ASIC2: variants seen among roughly 807,000 people sequenced by gnomAD.
ASIC2 encodes the protein acid sensing ion channel subunit 2.
A neutral mutation model predicts 57.3 loss-of-function variants in ASIC2; 25 were observed. That is an observed-to-expected ratio of 0.44 (90% CI 0.32 to 0.61). The LOEUF is 0.61. Ranked by LOEUF, ASIC2 falls within the 20% of genes least tolerant of loss-of-function variation. The pLI is 0.06. For missense variants in ASIC2, 641 were observed against 738.1 expected, an observed-to-expected ratio of 0.87 and a Z score of 1.52; for synonymous variants, 319 against 307.5, an observed-to-expected ratio of 1.04 and a Z score of -0.39.
At chr17:33,141,563 G>C (rs1350061941) in intron 1 of ASIC2, among the ~76,000 whole-genome samples, 17 of 152,168 alleles carry the variant, frequency 1.1e-4, no homozygotes, top group Non-Finnish European at 2.4e-4. Context: ...TCAGAACTGT[G>C]ACTGTGGGTT....
chr17:34,109,846 G>A (rs1413691507), intron 1 of ASIC2, among the ~76,000 whole-genome samples: 1 of 152,062 alleles, frequency 6.6e-6, no homozygotes, highest in African/African-American at 2.4e-5. Flanking sequence ...CATGAGTCCA[G>A]GTATTGTAAC....
intron 1 of ASIC2, among the ~76,000 whole-genome samples, chr17:33,451,859 G>A (rs895225180): frequency 1.3e-5 from 2 of 152,058 alleles, no homozygotes; most frequent in Non-Finnish European, 2.9e-5. Flanking sequence ...AATTATAACC[G>A]CTAAGTAATT....
chr17:34,031,587 C>T (rs2142037431), intron 1 of ASIC2, among the ~76,000 whole-genome samples: 1 of 152,142 alleles, frequency 6.6e-6, no homozygotes, highest in African/African-American at 2.4e-5. Flanking sequence ...AAATTCGAAC[C>T]AATGGCAAAG....
intron 1 of ASIC2, among the ~76,000 whole-genome samples, chr17:33,172,044 A>G (rs1172677410): frequency 1.3e-5 from 2 of 152,142 alleles, no homozygotes; most frequent in African/African-American, 4.8e-5. Context: ...TTGTCTAATT[A>G]TTTGATTAAT....
intron 3 of ASIC2, among the ~76,000 whole-genome samples, chr17:33,070,803 T>C (rs170324): frequency 0.9 from 137,088 of 152,172 alleles, 61,825 homozygotes; most frequent in East Asian, 0.96. Context: ...AGTAAGGATC[T>C]GCTGGCTCTT....
chr17:33,877,557 G>C (rs1371264532), intron 1 of ASIC2, among the ~76,000 whole-genome samples: 1 of 152,154 alleles, frequency 6.6e-6, no homozygotes, highest in Non-Finnish European at 1.5e-5. Context: ...GGTGAGGCTG[G>C]GGGAGGGGCA....
At chr17:33,437,745 G>A (rs963976239) in intron 1 of ASIC2, among the ~76,000 whole-genome samples, 5 of 151,524 alleles carry the variant, frequency 3.3e-5, no homozygotes, top group Admixed American at 6.6e-5. Flanking sequence ...GCAGTGAGCC[G>A]AGATCACACC....
chr17:33,916,366 G>A (rs80179420), intron 1 of ASIC2, among the ~76,000 whole-genome samples: 3,068 of 152,286 alleles, frequency 0.02, 101 homozygotes, highest in African/African-American at 0.071. Flanking sequence ...CAAGGAGAGA[G>A]AGCTGGGCTG....
chr17:33,457,535 A>G (rs990873698), intron 1 of ASIC2, among the ~76,000 whole-genome samples: 2 of 124,672 alleles, frequency 1.6e-5, no homozygotes, highest in Admixed American at 7.9e-5. Context: ...TTAAGAACAT[A>G]CTAAAGGCCA....
chr17:34,110,743 C>T (rs1275823118), intron 1 of ASIC2, among the ~76,000 whole-genome samples: 1 of 152,194 alleles, frequency 6.6e-6, no homozygotes, highest in Non-Finnish European at 1.5e-5. Flanking sequence ...TTCTTTATAT[C>T]CCATCGGTCC....
intron 1 of ASIC2, among the ~76,000 whole-genome samples, chr17:33,230,367 T>C (rs2142106847): frequency 6.6e-6 from 1 of 152,354 alleles, no homozygotes; most frequent in African/African-American, 2.4e-5. Context: ...CAGTGACAGG[T>C]AATGAGCTAT....
At chr17:33,658,748 T>A (rs1463602705) in intron 1 of ASIC2, among the ~76,000 whole-genome samples, 1 of 152,136 alleles carries the variant, frequency 6.6e-6, no homozygotes. Flanking sequence ...GTAATCCCAG[T>A]GCTTTGGGAG....
chr17:34,134,714 C>T (rs1912081775), intron 1 of ASIC2, among the ~76,000 whole-genome samples: 1 of 152,180 alleles, frequency 6.6e-6, no homozygotes, highest in East Asian at 1.9e-4. Flanking sequence ...TCTATTTGCG[C>T]CAATCCCAAG....
At chr17:33,056,578 T>A (rs2091998925) in intron 3 of ASIC2, among the ~76,000 whole-genome samples, 1 of 152,134 alleles carries the variant, frequency 6.6e-6, no homozygotes, top group African/African-American at 2.4e-5. Flanking sequence ...ACATCCCCAC[T>A]GTAATGTGCT....
Position 33,849,985 on chromosome 17 carries a change from A to G in ASIC2, c.555+305993T>C, listed in dbSNP as rs535904567. 7.4e-4 allele frequency among the ~76,000 whole-genome samples: 113 copies of G among 151,934 alleles called. 1 individual carries two copies. Among genetic ancestry groups the G allele is most frequent in the African/African-American group, 2.4e-3 (100 of 41,578 alleles). The stretch of plus-strand genomic sequence containing the variant: ...CAAAAAGTAACAACAGTAGATATAC[A>G]AAGTATTTTTTGAATTCTGCTATGT... On this transcript the variant is annotated intron_variant, in intron 1 of 9. Coordinates refer to the ASIC2 transcript ENST00000359872.
chr17:34,101,326 C>T (rs1324717365), intron 1 of ASIC2, among the ~76,000 whole-genome samples: 1 of 152,192 alleles, frequency 6.6e-6, no homozygotes, highest in Non-Finnish European at 1.5e-5. Flanking sequence ...AGTACTCAGA[C>T]CTTTAGAGAT....
chr17:33,725,178 G>A (rs1015933613), intron 1 of ASIC2, among the ~76,000 whole-genome samples: 11 of 152,386 alleles, frequency 7.2e-5, no homozygotes, highest in Middle Eastern at 3.4e-3. Context: ...GGGACCCAGC[G>A]GGGCCTGCAG....
chr17:33,316,175 C>G (rs1193134898), intron 1 of ASIC2, among the ~76,000 whole-genome samples: 1 of 152,164 alleles, frequency 6.6e-6, no homozygotes, highest in African/African-American at 2.4e-5. Flanking sequence ...TTCAGCCTTA[C>G]TATGTTTAGT....
chr17:33,198,561 T>C (rs941185151), intron 1 of ASIC2, among the ~76,000 whole-genome samples: 1 of 152,214 alleles, frequency 6.6e-6, no homozygotes, highest in Non-Finnish European at 1.5e-5. Context: ...ACCCTGCACA[T>C]GGTGACTGAT....
Sources: gnomAD v4.1 joint callset for allele counts (sites outside exome capture counted in the v4.1 genomes callset) on GRCh38, gnomAD v4.1.1 for gene constraint, MANE v1.5 for transcripts, NCBI Gene and HGNC (gene_info 2026-07-23, HGNC 2026-07-21) for gene names.